The following CCR3 variants were observed in gnomAD, a reference collection of about 807,000 sequenced individuals.
The protein encoded by CCR3 is C-C motif chemokine receptor 3.
For missense variants in CCR3, 419 were observed against 437.5 expected (o/e 0.96, Z 0.38); for synonymous variants, 203 against 179.2 (o/e 1.13, Z -1.06).
intron 2 of CCR3, among the ~76,000 whole-genome samples, chr3:46,216,704 T>G (rs186545501): frequency 6.6e-6 from 1 of 152,302 alleles, no homozygotes; most frequent in East Asian, 1.9e-4. Context: ...TCCTATCTTT[T>G]GCCTCCTTAA....
chr3:46,250,416 G>T (rs564860959), intron 1 of CCR3, among the ~76,000 whole-genome samples: 6 of 152,170 alleles, frequency 3.9e-5, no homozygotes, highest in Non-Finnish European at 8.8e-5. Flanking sequence ...GGACTGAGGG[G>T]ACAGGCGGGA....
At chr3:46,262,016 T>C (rs1700534563) in intron 1 of CCR3, among the ~76,000 whole-genome samples, 2 of 152,176 alleles carry the variant, frequency 1.3e-5, no homozygotes, top group South Asian at 4.1e-4. Context: ...ACCAGTCATA[T>C]AAATCAAGGA....
chr3:46,261,578 G>T (rs1258838784), intron 1 of CCR3, among the ~76,000 whole-genome samples: 2 of 152,192 alleles, frequency 1.3e-5, no homozygotes, highest in Non-Finnish European at 2.9e-5. Context: ...CACACCTGTG[G>T]ATCCCTACCT....
intron 2 of CCR3, among the ~76,000 whole-genome samples, chr3:46,235,921 C>G (rs1219117943): frequency 1.3e-5 from 2 of 152,226 alleles, no homozygotes; most frequent in Non-Finnish European, 2.9e-5. Context: ...GCACCTGGGG[C>G]ATTCCAGGAC....
intron 2 of CCR3, among the ~76,000 whole-genome samples, chr3:46,231,924 G>A (rs1367459098): frequency 6.6e-6 from 1 of 152,162 alleles, no homozygotes; most frequent in Non-Finnish European, 1.5e-5. Flanking sequence ...CCATGTGACA[G>A]TGTGAGGTAC....
intron 2 of CCR3, among the ~76,000 whole-genome samples, chr3:46,222,585 G>A (rs968124354): frequency 2.0e-5 from 3 of 152,060 alleles, no homozygotes; most frequent in Admixed American, 6.6e-5. Flanking sequence ...CAGACATCAT[G>A]CATGGCCAGG....
At position 46,253,668 on chromosome 3, in the gene CCR3, T is replaced by C. The variant is rs955980623; in HGVS notation, c.-12+11130T>C. ...AAGTTTCTTTATTAACCCCATCACA[T>C]GTTAACCTTTAAGGGAAACTAGAAT... is the stretch of plus-strand genomic sequence containing the variant. On this transcript the variant is annotated intron_variant, in intron 1 of 1. Coordinates refer to ENST00000395940, the MANE Select transcript of CCR3 (RefSeq NM_178329.3). Among the ~76,000 whole-genome samples the C allele has an allele frequency of 1.7e-4, 21 of 121,040 alleles. 1 individual carries two copies. The Middle Eastern group carries it at 0.015, about 84-fold the overall frequency. The allele number at this position is 121,040 out of a possible 152,430, so 79.4% of individuals were successfully genotyped here.
At chr3:46,254,595 T>C (rs1048800980) in intron 1 of CCR3, among the ~76,000 whole-genome samples, 1 of 152,226 alleles carries the variant, frequency 6.6e-6, no homozygotes, top group East Asian at 1.9e-4. Flanking sequence ...CTGAGCAGTG[T>C]GTACACTGTA....
intron 1 of CCR3, among the ~76,000 whole-genome samples, chr3:46,250,398 T>C (rs1250173888): frequency 2.6e-5 from 4 of 151,798 alleles, no homozygotes; most frequent in Non-Finnish European, 5.9e-5. Flanking sequence ...CAGCGATGCT[T>C]GGGGTTGGGA....
chr3:46,227,413 T>C (rs977374639), intron 2 of CCR3, among the ~76,000 whole-genome samples: 2 of 152,186 alleles, frequency 1.3e-5, no homozygotes, highest in Non-Finnish European at 2.9e-5. Context: ...TTATCACTTT[T>C]CTTGATTTTT....
intron 2 of CCR3, among the ~76,000 whole-genome samples, chr3:46,236,389 G>A (rs899811390): frequency 6.6e-6 from 1 of 152,330 alleles, no homozygotes; most frequent in South Asian, 2.1e-4. Context: ...AAGGCCACAT[G>A]GGCTCTGCTC....
chr3:46,237,158 G>A (rs1700033803), intron 2 of CCR3, among the ~76,000 whole-genome samples: 1 of 152,196 alleles, frequency 6.6e-6, no homozygotes, highest in Non-Finnish European at 1.5e-5. Flanking sequence ...TAACTAGGTT[G>A]AATAGTGCTG....
At chr3:46,239,882 A>G (rs745317205), upstream of CCR3, among the ~76,000 whole-genome samples, 3 of 152,198 alleles carry the variant, frequency 2.0e-5, no homozygotes, top group Non-Finnish European at 4.4e-5. Context: ...AAAACCCTCA[A>G]ACACTGATCT....
At chr3:46,256,443 A>C (rs539592922) in intron 1 of CCR3, among the ~76,000 whole-genome samples, 9 of 152,140 alleles carry the variant, frequency 5.9e-5, no homozygotes, top group Admixed American at 1.3e-4. Flanking sequence ...ATCCCAAAAT[A>C]TTAAAATCCT....
At chr3:46,250,372 G>A (rs962932463) in intron 1 of CCR3, among the ~76,000 whole-genome samples, 1 of 152,088 alleles carries the variant, frequency 6.6e-6, no homozygotes, top group African/African-American at 2.4e-5. Flanking sequence ...TGTAGAAAAG[G>A]AAGATTAGAA....
intron 1 of CCR3, among the ~76,000 whole-genome samples, chr3:46,256,275 C>T (rs1700422265): frequency 6.6e-6 from 1 of 152,082 alleles, no homozygotes; most frequent in African/African-American, 2.4e-5. Context: ...TTACATCTGG[C>T]TTTTCAGGGA....
chr3:46,256,736 T>C (rs1213666064), intron 1 of CCR3, among the ~76,000 whole-genome samples: 2 of 152,206 alleles, frequency 1.3e-5, no homozygotes, highest in African/African-American at 2.4e-5. Context: ...CTATAGTTAA[T>C]AATTGTGTGC....
At chr3:46,264,384 C>A in intron 1 of CCR3, 1 of 1,519,392 alleles carries the variant, frequency 6.6e-7, no homozygotes, top group Non-Finnish European at 8.8e-7. Context: ...ATTTTTTTCA[C>A]AGCTGCTGTG....
At chr3:46,217,902 G>A (rs1199735714) in intron 2 of CCR3, among the ~76,000 whole-genome samples, 1 of 151,104 alleles carries the variant, frequency 6.6e-6, no homozygotes, top group Non-Finnish European at 1.5e-5. Flanking sequence ...CACACCTCAA[G>A]GAACCAGAGA....
Sources: gnomAD v4.1 joint callset for allele counts (sites outside exome capture counted in the v4.1 genomes callset) on GRCh38, gnomAD v4.1.1 for gene constraint, MANE v1.5 for transcripts, NCBI Gene and HGNC (gene_info 2026-07-23, HGNC 2026-07-21) for gene names.